The following EYA1 variants were observed in gnomAD, a reference collection of about 807,000 sequenced individuals.
The protein encoded by EYA1 is protein phosphatase EYA1.
A neutral mutation model predicts 82.0 loss-of-function variants in EYA1; 16 were observed. The ratio of observed to expected loss-of-function variants is 0.20; its 90% CI spans 0.13 to 0.30. EYA1 has a LOEUF of 0.30. EYA1 is among the 10% of genes least tolerant of loss of function. The pLI is 1.00. For missense variants in EYA1, 633 were observed against 730.7 expected (o/e 0.87, Z 1.54); for synonymous variants, 261 against 264.4 (o/e 0.99, Z 0.12).
At chr8:71,262,619 G>A (rs776242523) in intron 11 of EYA1, among the ~76,000 whole-genome samples, 26 of 152,158 alleles carry the variant, frequency 1.7e-4, no homozygotes, top group Non-Finnish European at 3.2e-4. Context: ...GAGCTGTGAT[G>A]ATTCCTGTTC....
At chr8:71,250,036 TG>T (rs1813561126) in intron 11 of EYA1, among the ~76,000 whole-genome samples, 1 of 151,840 alleles carries the variant, frequency 6.6e-6, no homozygotes, top group South Asian at 2.1e-4. Context: ...TTTGCTTTCT[TG>T]TTTTTTTTTT....
At chr8:71,324,485 T>C (rs1822931836) in intron 4 of EYA1, among the ~76,000 whole-genome samples, 1 of 152,218 alleles carries the variant, frequency 6.6e-6, no homozygotes, top group African/African-American at 2.4e-5. Flanking sequence ...CCTCATAGGA[T>C]TGTCATGAAG....
At chr8:71,369,063 C>T (rs1169299105) in intron 2 of EYA1, among the ~76,000 whole-genome samples, 2 of 148,302 alleles carry the variant, frequency 1.3e-5, no homozygotes, top group African/African-American at 5.0e-5. Flanking sequence ...AATAGCTGGA[C>T]GTGGTGGCAT....
At chr8:71,539,478 C>A (rs528954285) in intron 1 of EYA1, among the ~76,000 whole-genome samples, 9 of 152,284 alleles carry the variant, frequency 5.9e-5, no homozygotes, top group African/African-American at 2.2e-4. Context: ...TGTTGCTGAG[C>A]AGAATGGGCA....
intron 2 of EYA1, among the ~76,000 whole-genome samples, chr8:71,454,323 G>A (rs1364335442): frequency 6.6e-6 from 1 of 152,152 alleles, no homozygotes; most frequent in African/African-American, 2.4e-5. Context: ...ATAATAATGG[G>A]AGACTTTAGC....
chr8:71,356,366 C>A, intron 2 of EYA1, 96 bp downstream of exon 2: 1 of 1,038,240 alleles, frequency 9.6e-7, no homozygotes. Flanking sequence ...GAGGCTGTTA[C>A]TATTAATAGA....
At chr8:71,220,606 G>T (rs945303269) in intron 12 of EYA1, among the ~76,000 whole-genome samples, 1 of 152,268 alleles carries the variant, frequency 6.6e-6, no homozygotes, top group East Asian at 1.9e-4. Flanking sequence ...ATGATACAGC[G>T]CTTAATACAA....
chr8:71,243,500 G>A (rs528450640), intron 12 of EYA1, among the ~76,000 whole-genome samples: 1 of 152,230 alleles, frequency 6.6e-6, no homozygotes, highest in African/African-American at 2.4e-5. Context: ...ACCCTTAAGT[G>A]TAAAATAAAT....
chr8:71,435,264 T>C (rs942934578), intron 2 of EYA1, among the ~76,000 whole-genome samples: 1 of 152,122 alleles, frequency 6.6e-6, no homozygotes, highest in African/African-American at 2.4e-5. Flanking sequence ...ACTAAACTTA[T>C]AATCTGCTTT....
intron 2 of EYA1, among the ~76,000 whole-genome samples, chr8:71,399,304 G>T (rs1437526821): frequency 6.6e-6 from 1 of 152,138 alleles, no homozygotes; most frequent in African/African-American, 2.4e-5. Flanking sequence ...AAGCCCCAGT[G>T]AGATGAATCC....
intron 2 of EYA1, among the ~76,000 whole-genome samples, chr8:71,373,857 TCAACAAGACCAC>T (rs1275382180): frequency 1.3e-5 from 2 of 152,140 alleles, no homozygotes; most frequent in African/African-American, 4.8e-5. Flanking sequence ...CAAATAATTT[TCAACAAGACCAC>T]CAATAAGACC....
intron 2 of EYA1, among the ~76,000 whole-genome samples, chr8:71,383,268 G>T (rs1204704358): frequency 6.6e-6 from 1 of 151,924 alleles, no homozygotes; most frequent in South Asian, 2.1e-4. Context: ...AGTGTAAAAA[G>T]GTATACTTTT....
chr8:71,447,783 T>C (rs528628631), intron 2 of EYA1, among the ~76,000 whole-genome samples: 5 of 152,288 alleles, frequency 3.3e-5, no homozygotes, highest in African/African-American at 9.6e-5. Flanking sequence ...AAAAATACTT[T>C]ATTTCTAAAA....
chr8:71,432,217 A>C (rs1244860681), intron 2 of EYA1, among the ~76,000 whole-genome samples: 1 of 152,166 alleles, frequency 6.6e-6, no homozygotes, highest in African/African-American at 2.4e-5. Context: ...TAGAACCTAG[A>C]GCAATGCTCT....
intron 2 of EYA1, among the ~76,000 whole-genome samples, chr8:71,447,444 A>G (rs1393859322): frequency 1.3e-5 from 2 of 152,214 alleles, no homozygotes; most frequent in East Asian, 1.9e-4. Flanking sequence ...ATTACCACAC[A>G]GTAGAACAGC....
chr8:71,524,851 A>G (rs1262138599), intron 2 of EYA1, among the ~76,000 whole-genome samples: 2 of 152,260 alleles, frequency 1.3e-5, no homozygotes. Flanking sequence ...AATTTAAAAA[A>G]GGTTTCTTTT....
At chr8:71,271,691 G>GT (rs1816551551) in intron 10 of EYA1, 67 bp downstream of exon 10, 1 of 1,570,566 alleles carries the variant, frequency 6.4e-7, no homozygotes, top group Non-Finnish European at 8.8e-7. Context: ...TACGTAGCAG[G>GT]TATGTAAAAC....
At chr8:71,513,653 C>T (rs895476558) in intron 2 of EYA1, among the ~76,000 whole-genome samples, 1 of 151,966 alleles carries the variant, frequency 6.6e-6, no homozygotes, top group South Asian at 2.1e-4. Context: ...ATTAAGTTAT[C>T]ATTGACTATA....
chr8:71,485,575 TA>T (rs71555583), intron 2 of EYA1, among the ~76,000 whole-genome samples: 52 of 149,402 alleles, frequency 3.5e-4, no homozygotes, highest in African/African-American at 9.5e-4. Context: ...GTAAACCATT[TA>T]AAAAAAAAAG....
Sources: gnomAD v4.1 joint callset for allele counts (sites outside exome capture counted in the v4.1 genomes callset) on GRCh38, gnomAD v4.1.1 for gene constraint, MANE v1.5 for transcripts, NCBI Gene and HGNC (gene_info 2026-07-23, HGNC 2026-07-21) for gene names.